Variants in COL7A1 observed in about 807,000 individuals in gnomAD.
The protein encoded by COL7A1 is collagen alpha-1(VII) chain.
In COL7A1, 296 loss-of-function variants were observed where a neutral mutation model predicts 456.2. The observed-to-expected ratio is 0.65, with a 90% confidence interval of 0.59 to 0.71. COL7A1 has a LOEUF of 0.71. Ranked by LOEUF, COL7A1 falls within the 30% of genes least tolerant of loss-of-function variation. The pLI is 0.00. For missense variants in COL7A1, 3,441 were observed against 4,017.2 expected (o/e 0.86, Z 3.88); for synonymous variants, 1,464 against 1,525.9 (o/e 0.96, Z 0.95).
chr3:48,575,370 C>G lies in COL7A1; in HGVS notation c.6149G>C (p.Gly2050Ala). ...TCCTGGCCTTCCTGCCTCTCCCACA[C>G]CCCCAGCCCTGCCTGGGAGCCCGGG... ...GIPGLPGRAGGVGEAGRPGER... is the reference protein window; with the variant it reads ...GIPGLPGRAGAVGEAGRPGER... Residue 2050 changes from glycine (G) to alanine (A), a missense_variant, in exon 74 of 119, where the codon GGT (glycine) becomes GCT (alanine). Gly to Ala is a moderately conservative substitution (Grantham distance 60). Transcript: ENST00000681320. This position sits in a 1 kb window ranked among gnomAD's most constrained non-coding sequence, Gnocchi z 6.3. 3 of 1,612,118 alleles carry G rather than the reference C, an allele frequency of 1.9e-6. No individual in the cohort carries two copies. Among genetic ancestry groups the G allele is most frequent in the Non-Finnish European group, 2.5e-6 (3 of 1,179,316 alleles).
In COL7A1 at chr3:48,588,325, C is replaced by G; in HGVS notation, c.2667G>C (p.Pro889=). 6.2e-7 allele frequency: 1 copy of G among 1,612,858 alleles called. No individual in the cohort carries two copies. Among genetic ancestry groups the G allele is most frequent in the Non-Finnish European group, 8.5e-7 (1 of 1,179,990 alleles). The change falls in exon 21 of 119, where the codon CCG becomes CCC. Residue 889 remains proline, a synonymous_variant. Coordinates refer to ENST00000681320, the MANE Select transcript of COL7A1 (RefSeq NM_000094.4). The surrounding 1 kb of genome is among the most constrained non-coding windows in gnomAD (Gnocchi z 4.6). ...GEHSLRLRWE[P]VPRAQGFLLH... The stretch of plus-strand genomic sequence containing the variant: ...GAAGGAAGCCCTGCGCTCTGGGCAC[C>G]GGCTCCCAGCGCAGCCTCAGCGAGT...
Position 48,573,599 on chromosome 3 carries a change from T to G in COL7A1, c.6574-42A>C. On this transcript the variant is annotated intron_variant, in intron 82 of 118. Transcript: ENST00000681320. This position sits in a 1 kb window ranked among gnomAD's most constrained non-coding sequence, Gnocchi z 5.5. ...AGGGCAGGGAACAGGGCTCAGGGAT[T>G]AACACAGAGAAGGCCTGGCTCATCA... 1 of 1,613,884 alleles carries G rather than the reference T, an allele frequency of 6.2e-7. No individual in the cohort carries two copies.
rs1398052319 is a variant in COL7A1 at position 48,566,623 on chromosome 3, C to A, written c.8304+37G>T. 1 of 1,614,126 alleles carries A rather than the reference C, an allele frequency of 6.2e-7. No homozygotes were observed. Among genetic ancestry groups the A allele is most frequent in the Non-Finnish European group, 8.5e-7 (1 of 1,180,002 alleles). Reference sequence around the variant, plus strand: ...TGACCTCAGGGACAACAGAAGTCACCCCGATCTCTGACCCAAGCCTTGGAA... The same window carrying A: ...TGACCTCAGGGACAACAGAAGTCACACCGATCTCTGACCCAAGCCTTGGAA... On this transcript the variant is annotated intron_variant, in intron 112 of 118. Coordinates refer to ENST00000681320, the MANE Select transcript of COL7A1 (RefSeq NM_000094.4). This position sits in a 1 kb window ranked among gnomAD's most constrained non-coding sequence, Gnocchi z 5.9.
chr3:48,587,923 G>C lies in COL7A1; in HGVS notation c.2727C>G (p.Ser909=). Residue 909 remains serine, a synonymous_variant, in exon 22 of 119, where the codon TCC becomes TCG. Coordinates refer to ENST00000681320, the MANE Select transcript of COL7A1 (RefSeq NM_000094.4). This position sits in a 1 kb window ranked among gnomAD's most constrained non-coding sequence, Gnocchi z 6.1. ...TGCTGAGCTCGGGCCCCAGGACCCG[G>C]GACTGTTCCTGGCCACCTGGGGCAG... ...HWQPEGGQEQ[S]RVLGPELSSY... 6.3e-7 allele frequency: 1 copy of C among 1,598,450 alleles called. No individual in the cohort carries two copies. Among genetic ancestry groups the C allele is most frequent in the Non-Finnish European group, 8.5e-7 (1 of 1,173,048 alleles).
Position 48,588,283 on chromosome 3 carries a change from C to T in COL7A1, c.2709G>A (p.Glu903=), listed in dbSNP as rs2045429277. 2.5e-6 allele frequency: 4 copies of T among 1,612,906 alleles called. No individual in the cohort carries two copies. The highest frequency in any genetic ancestry group is 3.4e-6 in the Non-Finnish European group (4 of 1,179,986). Residue 903 remains glutamate (E), a splice_region_variant and synonymous_variant, in exon 21 of 119, where the codon GAG becomes GAA. Coordinates refer to ENST00000681320, the MANE Select transcript of COL7A1 (RefSeq NM_000094.4). The surrounding 1 kb of genome is among the most constrained non-coding windows in gnomAD (Gnocchi z 4.6). ...AQGFLLHWQP[E]GGQEQSRVLG... ...CTTCCTCCTGGGGACACCTCTCACC[C>T]TCAGGTTGCCAGTGCAGAAGGAAGC...
At position 48,568,867 on chromosome 3, in the gene COL7A1, A is replaced by G; in HGVS notation, c.7687-12T>C. ...TCTCCCTTGCTGCCCTGTGGGAGTG[A>G]CCAGGAGAGGGATTCAGTCAGGACC... On this transcript the variant is annotated splice_polypyrimidine_tract_variant and intron_variant, in intron 103 of 118. Coordinates refer to ENST00000681320, the MANE Select transcript of COL7A1 (RefSeq NM_000094.4). The surrounding 1 kb of genome is among the most constrained non-coding windows in gnomAD (Gnocchi z 5.2). 1 of 1,569,408 alleles carries G rather than the reference A, an allele frequency of 6.4e-7. No homozygotes were observed. The highest frequency in any genetic ancestry group is 8.7e-7 in the Non-Finnish European group (1 of 1,155,766).
rs375977644 is a variant in COL7A1 at position 48,592,948 on chromosome 3, C to T, written c.683-10G>A. On this transcript the variant is annotated splice_polypyrimidine_tract_variant and intron_variant, in intron 6 of 118. Transcript: ENST00000681320. This position sits in a 1 kb window ranked among gnomAD's most constrained non-coding sequence, Gnocchi z 7.6. ...GAGGTCGAGTCATCCGCTGGGAATGCGGGATCAGGGGATCAGGCAGGAGGA... is the reference window on the plus strand; with the variant it reads ...GAGGTCGAGTCATCCGCTGGGAATGTGGGATCAGGGGATCAGGCAGGAGGA... The T allele has an allele frequency of 8.1e-6, 13 of 1,613,116 alleles. No homozygotes were observed. The highest frequency in any genetic ancestry group is 3.3e-5 in the South Asian group (3 of 91,012).
rs199805705 is a variant in COL7A1, at chr3:48,572,839, C to A, written c.6831+23G>T. 18 of 1,613,528 alleles carry A rather than the reference C, an allele frequency of 1.1e-5. 1 individual carries two copies. In the South Asian group the frequency reaches 2.0e-4, roughly 18 times the overall value. ...CCCACAGCTGGGCACCACACCCTAG[C>A]GAGCTGCCCCCAGAACACATACTGG... On this transcript the variant is annotated intron_variant, in intron 87 of 118. Coordinates refer to ENST00000681320, the MANE Select transcript of COL7A1 (RefSeq NM_000094.4). This position sits in a 1 kb window ranked among gnomAD's most constrained non-coding sequence, Gnocchi z 4.6.
Position 48,579,131 on chromosome 3 carries a change from G to T in COL7A1, c.5388+66C>A. ...AGGCCAAGACCAACCAATGAGGCTG[G>T]GGTCTAGGGTCCTCATGTGAAGGGG... On this transcript the variant is annotated intron_variant, in intron 62 of 118. Coordinates refer to ENST00000681320, the MANE Select transcript of COL7A1 (RefSeq NM_000094.4). This position sits in a 1 kb window ranked among gnomAD's most constrained non-coding sequence, Gnocchi z 4.4. 1 of 1,580,644 alleles carries T rather than the reference G, an allele frequency of 6.3e-7. No individual in the cohort carries two copies. Among genetic ancestry groups the T allele is most frequent in the South Asian group, 1.1e-5 (1 of 90,292 alleles).
chr3:48,593,386 T>A lies in COL7A1; in HGVS notation c.490A>T (p.Lys164Ter). The A allele has an allele frequency of 6.2e-7, 1 of 1,614,116 alleles. No homozygotes were observed. The highest frequency in any genetic ancestry group is 1.1e-5 in the South Asian group (1 of 91,078). The change falls in exon 5 of 119, where the codon AAG becomes TAG. Residue 164 changes from lysine (K) to a stop codon, truncating the protein, a stop_gained. Transcript: ENST00000681320. LOFTEE classifies it high-confidence loss of function. This position sits in a 1 kb window ranked among gnomAD's most constrained non-coding sequence, Gnocchi z 4.4. ...GCAAATAGCTTGACCCCCTGCCCCT[T>A]CAGCCTTTGGGCAGCTGTGTCCACC... ...DLVDTAAQRL[K>*]GQGVKLFAVG...
At position 48,594,415 on chromosome 3, in the gene COL7A1, A is replaced by G. The variant is rs762065822; in HGVS notation, c.219T>C (p.Ser73=). The change falls in exon 3 of 119, where the codon AGT becomes AGC. Residue 73 remains serine, a synonymous_variant. Transcript: ENST00000681320. The surrounding 1 kb of genome is among the most constrained non-coding windows in gnomAD (Gnocchi z 5.5). ...CTGTGGCAAAGCGCACACCCTGTGC[A>G]CTGGCTGCTCCAGAGAAAGGCAGCA... ...GLVLPFSGAA[S]AQGVRFATVQ... is the part of the protein sequence containing the mutation. 8 of 1,611,786 alleles carry G rather than the reference A, an allele frequency of 5.0e-6. No homozygotes were observed. The highest frequency in any genetic ancestry group is 6.8e-6 in the Non-Finnish European group (8 of 1,180,026).
Position 48,593,615 on chromosome 3 carries a change from G to T in COL7A1, c.348C>A (p.Asn116Lys), listed in dbSNP as rs773412676. 10 of 1,614,096 alleles carry T rather than the reference G, an allele frequency of 6.2e-6. No homozygotes were observed. Among genetic ancestry groups the T allele is most frequent in the Non-Finnish European group, 8.5e-6 (10 of 1,180,038 alleles). Residue 116 changes from asparagine (N) to lysine (K), a missense_variant, in exon 4 of 119, where the codon AAC becomes AAA. This residue lies in a region of COL7A1 where 913 missense variants were observed against 1,088.2 expected (regional missense o/e 0.84). Coordinates refer to ENST00000681320, the MANE Select transcript of COL7A1 (RefSeq NM_000094.4). The surrounding 1 kb of genome is among the most constrained non-coding windows in gnomAD (Gnocchi z 4.4). ...GGAGAATTGCAGCCCCTGTGCGAGT[G>T]TTGCCCCCCTTGTAGCTAAGCTCAC... is the stretch of plus-strand genomic sequence containing the variant. ...AIRELSYKGGNTRTGAAILHV... is the reference protein window; with the variant it reads ...AIRELSYKGGKTRTGAAILHV...
Position 48,578,140 on chromosome 3 carries a change from G to A in COL7A1, c.5532+181C>T, listed in dbSNP as rs1348549230. 2.0e-5 allele frequency among the ~76,000 whole-genome samples: 3 copies of A among 152,046 alleles called. No individual in the cohort carries two copies. The highest frequency in any genetic ancestry group is 4.4e-5 in the Non-Finnish European group (3 of 68,022). ...GATTGTGCCACTGCACTCCAACCTG[G>A]GCAACAAGAGCGAAACTCCATCTCA... On this transcript the variant is annotated intron_variant, in intron 65 of 118. Transcript: ENST00000681320. This position sits in a 1 kb window ranked among gnomAD's most constrained non-coding sequence, Gnocchi z 4.7.
Position 48,591,553 on chromosome 3 carries a change from G to A in COL7A1, c.1547C>T (p.Ala516Val). ...CACCCGCTGCCCGGGCAGCTCGGTG[G>A]CTTGCAGGTCTGTTACAGGGCTCAC... ...LPVSPVTDLQ[A>V]TELPGQRVRV... The change falls in exon 13 of 119, where the codon GCC becomes GTC. Residue 516 changes from alanine (A) to valine (V), a missense_variant. Around this residue, in one of 3 missense-constraint regions of COL7A1, gnomAD observed 913 missense variants for 1,088.2 expected, o/e 0.84. Coordinates refer to ENST00000681320, the MANE Select transcript of COL7A1 (RefSeq NM_000094.4). This position sits in a 1 kb window ranked among gnomAD's most constrained non-coding sequence, Gnocchi z 7.0. 6.2e-7 allele frequency: 1 copy of A among 1,613,836 alleles called. No individual in the cohort carries two copies. Among genetic ancestry groups the A allele is most frequent in the Middle Eastern group, 1.6e-4 (1 of 6,062 alleles).
At position 48,579,235 on chromosome 3, in the gene COL7A1, C is replaced by G. The variant is rs200632851; in HGVS notation, c.5350G>C (p.Asp1784His). Residue 1784 changes from aspartate to histidine, a missense_variant, in exon 62 of 119, where the codon GAT becomes CAT. By Grantham distance (81) the Asp-to-His change is moderately conservative. This residue lies in a region of COL7A1 where 2,084 missense variants were observed against 2,501.3 expected (regional missense o/e 0.83). Coordinates refer to ENST00000681320, the MANE Select transcript of COL7A1 (RefSeq NM_000094.4). This position sits in a 1 kb window ranked among gnomAD's most constrained non-coding sequence, Gnocchi z 4.4. ...GGCCCAGCGGCTCCTGGTTTCCCAT[C>G]CAGTCCGCTCCGGCCATCCAGCCCA... ...PPGLDGRSGL[D>H]GKPGAAGPSG... 1.6e-5 allele frequency: 26 copies of G among 1,613,740 alleles called. No individual in the cohort carries two copies. Among genetic ancestry groups the G allele is most frequent in the Non-Finnish European group, 7.6e-6 (9 of 1,180,032 alleles).
intron 1 of COL7A1, 23 bp from the exon 2 acceptor site, chr3:48,595,183 T>C: frequency 6.5e-7 from 1 of 1,544,228 alleles, no homozygotes; most frequent in Non-Finnish European, 8.8e-7. Flanking sequence ...AGCCGTCAGC[T>C]AGGACCCCCG....
Position 48,581,063 on chromosome 3 carries a change from C to T in COL7A1, c.4935+59G>A, listed in dbSNP as rs2044719405. ...ATGGATGAACTGGTGGAGCACCAGCCTACTGGGATCCTAGTTCAAGGGTAA... is the reference window on the plus strand; with the variant it reads ...ATGGATGAACTGGTGGAGCACCAGCTTACTGGGATCCTAGTTCAAGGGTAA... On this transcript the variant is annotated intron_variant, in intron 53 of 118. Coordinates refer to ENST00000681320, the MANE Select transcript of COL7A1 (RefSeq NM_000094.4). The surrounding 1 kb of genome is among the most constrained non-coding windows in gnomAD (Gnocchi z 5.8). 1.2e-6 allele frequency: 2 copies of T among 1,608,924 alleles called. No homozygotes were observed. The highest frequency in any genetic ancestry group is 2.7e-5 in the African/African-American group (2 of 74,932).
In COL7A1 at chr3:48,575,202, C is replaced by A. The variant is rs2044206978; in HGVS notation, c.6216+5G>T. On this transcript the variant is annotated splice_donor_5th_base_variant and intron_variant, in intron 75 of 118. Transcript: ENST00000681320. The surrounding 1 kb of genome is among the most constrained non-coding windows in gnomAD (Gnocchi z 6.3). ...GCCTGCCCCACGAAGCCCATCGCAG[C>A]CCACCTGTTCTCCACGTTCTCCTTT... 2 of 1,614,024 alleles carry A rather than the reference C, an allele frequency of 1.2e-6. No homozygotes were observed. The highest frequency in any genetic ancestry group is 4.5e-5 in the East Asian group (2 of 44,874).
rs759035638 is a variant in COL7A1, at chr3:48,578,318, C to T, written c.5532+3G>A. On this transcript the variant is annotated splice_donor_region_variant and intron_variant, in intron 65 of 118. Coordinates refer to ENST00000681320, the MANE Select transcript of COL7A1 (RefSeq NM_000094.4). This position sits in a 1 kb window ranked among gnomAD's most constrained non-coding sequence, Gnocchi z 4.7. ...TCGCCGCAGCTGCCCTGGACACACTCACGTTTTTTCCATTCAGGCCAGGTT... is the reference window on the plus strand; with the variant it reads ...TCGCCGCAGCTGCCCTGGACACACTTACGTTTTTTCCATTCAGGCCAGGTT... 9 of 1,612,382 alleles carry T rather than the reference C, an allele frequency of 5.6e-6. No homozygotes were observed. In the African/African-American group the frequency reaches 8.0e-5, roughly 14 times the overall value.
Sources: gnomAD v4.1 joint callset for allele counts (sites outside exome capture counted in the v4.1 genomes callset) on GRCh38, gnomAD v4.1.1 for gene constraint, gnomAD v4.1.1 regional missense constraint, Gnocchi (gnomAD v3.1) non-coding constraint, MANE v1.5 for transcripts, NCBI Gene and HGNC (gene_info 2026-07-23, HGNC 2026-07-21) for gene names.